TRIM5: variants seen among roughly 807,000 people sequenced by gnomAD.
TRIM5 encodes the protein tripartite motif-containing protein 5.
Under a neutral mutation model 35.6 loss-of-function variants are expected in TRIM5, and 31 were observed. The observed-to-expected ratio is 0.87, with a 90% CI of 0.65 to 1.18. TRIM5 has a LOEUF of 1.18. Among genes scored for constraint, TRIM5 ranks in the 50% most tolerant of loss-of-function variants. The pLI is 0.00. For missense variants in TRIM5, 609 were observed against 591.6 expected, an observed-to-expected ratio of 1.03 and a Z score of -0.31; for synonymous variants, 243 against 215.6, an observed-to-expected ratio of 1.13 and a Z score of -1.11.
At chr11:5,648,064 G>A in the TRIM5 span, among the ~76,000 whole-genome samples, 1 of 152,080 alleles carries the variant, frequency 6.6e-6, no homozygotes, top group African/African-American at 2.4e-5. Context: ...TGTCCTGGGA[G>A]ATGTTTTATT....
At chr11:5,588,844 T>A in the TRIM5 span, 1 of 151,302 alleles carries the variant, frequency 6.6e-6, no homozygotes, top group Non-Finnish European at 1.5e-5. Flanking sequence ...AGTGCAGTGG[T>A]GCTATCTCAT....
chr11:5,675,681 CTGT>C (rs1851908396), intron 4 of TRIM5, among the ~76,000 whole-genome samples: 1 of 140,572 alleles, frequency 7.1e-6, no homozygotes, highest in Admixed American at 7.1e-5. Context: ...TTTTTTTCTT[CTGT>C]TGTGTTTTTT....
the TRIM5 span, chr11:5,611,228 C>T: frequency 1.2e-6 from 2 of 1,613,644 alleles, no homozygotes; most frequent in African/African-American, 2.7e-5. Flanking sequence ...ATGTCACAAA[C>T]CATGGCTTCC....
chr11:5,681,047 C>CTGAAAGTT (rs1041979982), intron 1 of TRIM5, among the ~76,000 whole-genome samples: 6 of 152,130 alleles, frequency 3.9e-5, no homozygotes, highest in Admixed American at 6.5e-5. Context: ...GAGTCTCATC[C>CTGAAAGTT]TGAAAGTTTG....
At chr11:5,629,417 G>T in the TRIM5 span, among the ~76,000 whole-genome samples, 3 of 152,136 alleles carry the variant, frequency 2.0e-5, no homozygotes, top group Non-Finnish European at 4.4e-5. Flanking sequence ...TTTGTGGAGG[G>T]TATAAATCTA....
the TRIM5 span, among the ~76,000 whole-genome samples, chr11:5,588,691 T>C: frequency 2.0e-5 from 3 of 151,872 alleles, no homozygotes; most frequent in Non-Finnish European, 2.9e-5. Context: ...TGTTTACATG[T>C]CTATGTTGAC....
the TRIM5 span, among the ~76,000 whole-genome samples, chr11:5,650,674 G>T: frequency 6.6e-6 from 1 of 152,126 alleles, no homozygotes; most frequent in Admixed American, 6.5e-5. Context: ...TAACACTTCC[G>T]TTTTTTGTTG....
At chr11:5,646,839 C>G in the TRIM5 span, among the ~76,000 whole-genome samples, 1 of 152,154 alleles carries the variant, frequency 6.6e-6, no homozygotes, top group African/African-American at 2.4e-5. Flanking sequence ...ATGGTCTTAA[C>G]CTCTCAGAAG....
the TRIM5 span, chr11:5,633,692 G>GT: frequency 1.4e-5 from 15 of 1,056,252 alleles, no homozygotes; most frequent in Non-Finnish European, 1.9e-5. Context: ...CAGCTTCACA[G>GT]TTTCTGTAAA....
rs1349544236 is a variant in TRIM5, at chr11:5,679,898, G to A, written c.280C>T (p.His94Tyr). The A allele has an allele frequency of 1.2e-6, 2 of 1,613,934 alleles. No individual in the cohort carries two copies. The highest frequency in any genetic ancestry group is 8.5e-7 in the Non-Finnish European group (1 of 1,180,000). The change falls in exon 2 of 8, where the codon CAT (histidine) becomes TAT (tyrosine). Residue 94 changes from histidine (H) to tyrosine (Y), a missense_variant. By Grantham distance (83) the His-to-Tyr change is moderately conservative. Coordinates refer to ENST00000380034, the MANE Select transcript of TRIM5 (RefSeq NM_033034.3). Reference sequence around the variant, plus strand: ...AGTTTCTCTCCATGGCGTGCACAATGATCAACTTTCTGCCCCTCTGGGCTC... The same window carrying A: ...AGTTTCTCTCCATGGCGTGCACAATAATCAACTTTCTGCCCCTCTGGGCTC... ...KLSPEGQKVD[H>Y]CARHGEKLLL...
the TRIM5 span, among the ~76,000 whole-genome samples, chr11:5,657,551 ATGCATTTATATATATTATTTAT>A: frequency 8.3e-6 from 1 of 120,904 alleles, no homozygotes; most frequent in African/African-American, 3.6e-5. Flanking sequence ...ATTATATATA[ATGCATTTATATATATTATTTAT>A]ATATTATATA....
the TRIM5 span, among the ~76,000 whole-genome samples, chr11:5,651,970 G>C: frequency 6.6e-6 from 1 of 151,930 alleles, no homozygotes; most frequent in Non-Finnish European, 1.5e-5. Context: ...TTCATGTTCT[G>C]TGCCCATATT....
the TRIM5 span, among the ~76,000 whole-genome samples, chr11:5,631,813 G>A: frequency 6.6e-6 from 1 of 152,064 alleles, no homozygotes; most frequent in Admixed American, 6.5e-5. Flanking sequence ...AAACACTGAG[G>A]CTATAGCAGT....
intron 4 of TRIM5, among the ~76,000 whole-genome samples, chr11:5,671,101 C>T (rs923193736): frequency 6.6e-6 from 1 of 152,052 alleles, no homozygotes; most frequent in Admixed American, 6.5e-5. Context: ...TAGTGCGGAG[C>T]TGTAGTCCCA....
At chr11:5,632,626 C>A in the TRIM5 span, 1 of 1,613,110 alleles carries the variant, frequency 6.2e-7, no homozygotes, top group Non-Finnish European at 8.5e-7. Flanking sequence ...TCTCTGTGAT[C>A]ATCATGGAGA....
chr11:5,627,352 C>A, the TRIM5 span, among the ~76,000 whole-genome samples: 1 of 151,990 alleles, frequency 6.6e-6, no homozygotes, highest in Non-Finnish European at 1.5e-5. Flanking sequence ...CACACTCCAA[C>A]CTGGGTAACA....
chr11:5,683,314 G>A (rs560524063), intron 1 of TRIM5, among the ~76,000 whole-genome samples: 1 of 152,354 alleles, frequency 6.6e-6, no homozygotes, highest in African/African-American at 2.4e-5. Flanking sequence ...AGGACTGGCA[G>A]GCAGCTCCAC....
At chr11:5,643,236 C>G in the TRIM5 span, 5 of 1,613,290 alleles carry the variant, frequency 3.1e-6, no homozygotes, top group Admixed American at 3.3e-5. Context: ...TTGGCCTTTT[C>G]AGTGTTATAA....
downstream of TRIM5, among the ~76,000 whole-genome samples, chr11:5,662,030 A>C (rs898351222): frequency 6.6e-6 from 1 of 152,202 alleles, no homozygotes; most frequent in Non-Finnish European, 1.5e-5. Flanking sequence ...TGAAAGCCTC[A>C]ATCTTCATAG....
Sources: allele counts gnomAD v4.1 joint callset (sites outside exome capture counted in the v4.1 genomes callset), GRCh38; gene constraint gnomAD v4.1.1; transcripts MANE v1.5; gene names NCBI Gene and HGNC (gene_info 2026-07-23, HGNC 2026-07-21).